The following CABLES1 variants were observed in gnomAD, a reference collection of about 807,000 sequenced individuals.
CABLES1 encodes Cdk5 and Abl enzyme substrate 1, also known as CDK5 and ABL1 enzyme substrate 1.
A neutral mutation model predicts 57.8 loss-of-function variants in CABLES1; 36 were observed. That is an observed-to-expected ratio of 0.62 (90% CI 0.48 to 0.82). The LOEUF (loss-of-function observed/expected upper bound fraction) is 0.82. Among genes scored for constraint, CABLES1 ranks in the 40% least tolerant of loss-of-function variants. The pLI is 0.00. For missense variants in CABLES1, 767 were observed against 836.6 expected (o/e 0.92, Z 1.03); for synonymous variants, 374 against 363.0 (o/e 1.03, Z -0.35).
At chr18:23,200,070 G>T (rs548615397) in intron 3 of CABLES1, among the ~76,000 whole-genome samples, 1 of 152,274 alleles carries the variant, frequency 6.6e-6, no homozygotes, top group South Asian at 2.1e-4. Flanking sequence ...TAGGCACTCA[G>T]CAAGTGTTTG....
intron 9 of CABLES1, among the ~76,000 whole-genome samples, chr18:23,255,735 A>G (rs1477674927): frequency 6.6e-6 from 1 of 151,322 alleles, no homozygotes; most frequent in Non-Finnish European, 1.5e-5. Context: ...AATTTTTTTT[A>G]TTTTTTATAG....
rs939929166 is a variant in CABLES1, at chr18:23,260,217, T to G, written c.*2850T>G. 1 of 152,180 alleles carries G rather than the reference T, an allele frequency of 6.6e-6. No individual in the cohort carries two copies. The allele number at this position is 152,180 out of a possible 1,614,324, so 9.4% of individuals were successfully genotyped here. ...TTCTTGCCCGCTAATAAAACCTATT[T>G]AAACAGGAAATTCATACCAAATGCA... On this transcript the variant is annotated 3_prime_UTR_variant, in exon 10 of 10. Transcript: ENST00000256925.
At chr18:23,173,188 A>G (rs1355442909) in intron 1 of CABLES1, among the ~76,000 whole-genome samples, 2 of 152,328 alleles carry the variant, frequency 1.3e-5, no homozygotes, top group East Asian at 3.9e-4. Context: ...AGCACCAGGT[A>G]GCCTGTGCTG....
chr18:23,182,031 A>C (rs1026865530), intron 1 of CABLES1, among the ~76,000 whole-genome samples: 1 of 152,180 alleles, frequency 6.6e-6, no homozygotes, highest in Non-Finnish European at 1.5e-5. Flanking sequence ...GCAGCCAGGA[A>C]GGGGGGTACA....
chr18:23,155,811 T>C, intron 1 of CABLES1: 3 of 1,599,616 alleles, frequency 1.9e-6, no homozygotes, highest in Non-Finnish European at 2.6e-6. Context: ...TCAACAGTGC[T>C]TGCTTAGCCT....
chr18:23,248,000 G>A (rs1237451230), intron 7 of CABLES1, among the ~76,000 whole-genome samples: 1 of 152,202 alleles, frequency 6.6e-6, no homozygotes, highest in African/African-American at 2.4e-5. Context: ...GTCAGGAAAC[G>A]GAGTCCCCAG....
intron 1 of CABLES1, among the ~76,000 whole-genome samples, chr18:23,170,215 G>A (rs1054538204): frequency 2.0e-5 from 3 of 152,228 alleles, no homozygotes; most frequent in Admixed American, 2.0e-4. Flanking sequence ...AGGGTGTTGT[G>A]AGAATGCCAA....
rs545387287 is a variant in CABLES1, at chr18:23,239,961, TAAA to T, written c.1446+2721_1446+2723del. Among the ~76,000 whole-genome samples the T allele has an allele frequency of 2.4e-3, 369 of 152,034 alleles. 1 individual carries two copies. The highest frequency in any genetic ancestry group is 0.01 in the South Asian group (49 of 4,814). On this transcript the variant is annotated intron_variant, in intron 7 of 9. Transcript: ENST00000256925. The stretch of plus-strand genomic sequence containing the variant: ...GGTAAAACCCCATCTCTACTAAAAA[TAAA>T]AAAATTAGCCAGGTGTGGTGTTGCG...
chr18:23,207,070 C>T (rs924464217), intron 3 of CABLES1, among the ~76,000 whole-genome samples: 3 of 152,146 alleles, frequency 2.0e-5, no homozygotes, highest in East Asian at 3.9e-4. Flanking sequence ...CTTGGCTTCC[C>T]AAAGTTCTGG....
intron 2 of CABLES1, among the ~76,000 whole-genome samples, chr18:23,193,775 C>A (rs914378715): frequency 6.6e-6 from 1 of 152,114 alleles, no homozygotes; most frequent in African/African-American, 2.4e-5. Context: ...TCCTATAGTA[C>A]AGGCAAATGC....
chr18:23,199,533 G>A (rs568943634), intron 3 of CABLES1, among the ~76,000 whole-genome samples: 7 of 152,198 alleles, frequency 4.6e-5, no homozygotes, highest in Non-Finnish European at 7.3e-5. Flanking sequence ...AATCAGTACT[G>A]ATACATGCTA....
chr18:23,232,524 C>T (rs1568078505), intron 4 of CABLES1, among the ~76,000 whole-genome samples: 1 of 152,238 alleles, frequency 6.6e-6, no homozygotes, highest in African/African-American at 2.4e-5. Context: ...CATTCATCAT[C>T]TCCATCCTTA....
chr18:23,152,895 G>T (rs1349310939), intron 1 of CABLES1, among the ~76,000 whole-genome samples: 1 of 151,474 alleles, frequency 6.6e-6, no homozygotes, highest in South Asian at 2.1e-4. Context: ...TCCACCTCCC[G>T]GGTTCAAATG....
At chr18:23,180,486 C>T (rs114236868) in intron 1 of CABLES1, among the ~76,000 whole-genome samples, 136 of 152,170 alleles carry the variant, frequency 8.9e-4, no homozygotes, top group African/African-American at 3.1e-3. Context: ...AAATGACATA[C>T]ACATGATAGT....
intron 2 of CABLES1, chr18:23,189,130 G>T: frequency 2.0e-6 from 1 of 488,346 alleles, no homozygotes; most frequent in Non-Finnish European, 3.6e-6. Context: ...CAATTTGCAT[G>T]GAGATTTGGG....
At chr18:23,216,910 A>G (rs771084846) in intron 4 of CABLES1, among the ~76,000 whole-genome samples, 39 of 152,148 alleles carry the variant, frequency 2.6e-4, no homozygotes, top group Non-Finnish European at 5.0e-4. Flanking sequence ...GCCACTGCAT[A>G]GGATATTCAG....
At chr18:23,254,492 T>C (rs1369037293) in intron 9 of CABLES1, among the ~76,000 whole-genome samples, 1 of 152,218 alleles carries the variant, frequency 6.6e-6, no homozygotes, top group Non-Finnish European at 1.5e-5. Flanking sequence ...AGCCAACTGA[T>C]TAGAAGACAG....
At chr18:23,225,333 CTA>C (rs879829596) in intron 4 of CABLES1, among the ~76,000 whole-genome samples, 3 of 152,092 alleles carry the variant, frequency 2.0e-5, no homozygotes, top group Non-Finnish European at 4.4e-5. Flanking sequence ...TTCTTAAAGA[CTA>C]TTTGAAAAAT....
Position 23,173,566 on chromosome 18 carries a change from A to G in CABLES1, c.846-15272A>G, listed in dbSNP as rs532277196. ...GGATTTGGTGCTTCATTATTACTGT[A>G]TATTTTTTCCCAACATATGTTTTTC... is the stretch of plus-strand genomic sequence containing the variant. On this transcript the variant is annotated intron_variant, in intron 1 of 9. Coordinates refer to ENST00000256925, the MANE Select transcript of CABLES1 (RefSeq NM_001100619.3). Among the ~76,000 whole-genome samples, 6 of 152,336 alleles carry G rather than the reference A, an allele frequency of 3.9e-5. No homozygotes were observed. The East Asian group carries it at 1.2e-3, about 29-fold the overall frequency.
Sources: gnomAD v4.1 joint callset for allele counts (sites outside exome capture counted in the v4.1 genomes callset) on GRCh38, gnomAD v4.1.1 for gene constraint, MANE v1.5 for transcripts, NCBI Gene and HGNC (gene_info 2026-07-23, HGNC 2026-07-21) for gene names.